The following TBCD variants were observed in gnomAD, a reference collection of about 807,000 sequenced individuals.
TBCD encodes the protein tubulin folding cofactor D.
TBCD carries 105 observed loss-of-function variants against 169.3 expected under a neutral mutation model. That is an observed-to-expected ratio of 0.62 (90% CI 0.53 to 0.73). The LOEUF (loss-of-function observed/expected upper bound fraction) is 0.73, where lower values mean the gene tolerates loss of function less well. Ranked by LOEUF, TBCD falls within the 30% of genes least tolerant of loss-of-function variation. The pLI is 0.00. For synonymous variants in TBCD, 700 were observed against 643.9 expected, an observed-to-expected ratio of 1.09 and a Z score of -1.32; for missense variants, 1,444 against 1,600.1, an observed-to-expected ratio of 0.90 and a Z score of 1.66.
rs558022009 is a variant in TBCD at position 82,833,634 on chromosome 17, G to A, written c.1318+18700G>A. Among the ~76,000 whole-genome samples, 16 of 152,298 alleles carry A rather than the reference G, an allele frequency of 1.1e-4. No homozygotes were observed. Among genetic ancestry groups the A allele is most frequent in the South Asian group, 2.1e-4 (1 of 4,824 alleles). Reference sequence around the variant, plus strand: ...GAGGCATGGCCAGCAGCGCCTGCCCGTCCAGATGCACCACCAAATGGAAGA... The same window carrying A: ...GAGGCATGGCCAGCAGCGCCTGCCCATCCAGATGCACCACCAAATGGAAGA... On this transcript the variant is annotated intron_variant, in intron 13 of 38. Transcript: ENST00000355528. This position sits in a 1 kb window ranked among gnomAD's most constrained non-coding sequence, Gnocchi z 4.7.
intron 25 of TBCD, 76 bp downstream of exon 25, chr17:82,921,653 G>A: frequency 7.2e-7 from 1 of 1,386,982 alleles, no homozygotes; most frequent in Non-Finnish European, 1.0e-6. Flanking sequence ...GTTTGTGTTG[G>A]CGACTGTGCA....
At chr17:82,937,424 C>T in intron 35 of TBCD, 64 bp downstream of exon 35, 4 of 1,435,422 alleles carry the variant, frequency 2.8e-6, no homozygotes, top group Non-Finnish European at 3.9e-6. Flanking sequence ...TGGCTGAGGG[C>T]AGGAGTCCAC....
At chr17:82,935,796 C>T (rs1419429255) in intron 34 of TBCD, among the ~76,000 whole-genome samples, 1 of 152,128 alleles carries the variant, frequency 6.6e-6, no homozygotes, top group Non-Finnish European at 1.5e-5. Context: ...TTGAATTTTC[C>T]ACGTTTTTAC....
At chr17:82,927,394 G>A (rs1009654424) in intron 29 of TBCD, 71 bp downstream of exon 29, 48 of 1,532,304 alleles carry the variant, frequency 3.1e-5, no homozygotes, top group Admixed American at 2.4e-4. Flanking sequence ...CGGAGGCCCC[G>A]GGCTTTTCTG....
chr17:82,830,061 C>A, intron 13 of TBCD: 1 of 1,580,706 alleles, frequency 6.3e-7, no homozygotes, highest in Non-Finnish European at 8.6e-7. Flanking sequence ...GTGAAAGTGC[C>A]AGTTCAGAGG....
intron 3 of TBCD, among the ~76,000 whole-genome samples, chr17:82,764,793 T>G (rs2047943590): frequency 6.9e-6 from 1 of 145,872 alleles, no homozygotes; most frequent in Non-Finnish European, 1.5e-5. Flanking sequence ...AGTCTGCTTT[T>G]CTTACAAGCT....
chr17:82,919,351 A>G (rs2061275761), intron 23 of TBCD, among the ~76,000 whole-genome samples: 1 of 152,194 alleles, frequency 6.6e-6, no homozygotes, highest in Non-Finnish European at 1.5e-5. Context: ...GGTAGAAACA[A>G]AAGGAGATAA....
At chr17:82,883,596 T>G (rs2058520266) in intron 14 of TBCD, among the ~76,000 whole-genome samples, 1 of 152,218 alleles carries the variant, frequency 6.6e-6, no homozygotes, top group South Asian at 2.1e-4. Context: ...CCAGACGCCT[T>G]GTCTTCAGGG....
At chr17:82,854,348 A>T (rs1387486011) in intron 13 of TBCD, among the ~76,000 whole-genome samples, 1 of 152,194 alleles carries the variant, frequency 6.6e-6, no homozygotes, top group Non-Finnish European at 1.5e-5. Context: ...TCCTTTCCAC[A>T]TAAGACCAGG....
chr17:82,916,664 ACTGTATTGG>A (rs1225536060), intron 23 of TBCD, among the ~76,000 whole-genome samples: 2 of 152,156 alleles, frequency 1.3e-5, no homozygotes, highest in Non-Finnish European at 2.9e-5. Flanking sequence ...TCTACTTATT[ACTGTATTGG>A]AGACAATCTT....
At chr17:82,902,146 T>G (rs11869416) in intron 18 of TBCD, among the ~76,000 whole-genome samples, 1 of 152,138 alleles carries the variant, frequency 6.6e-6, no homozygotes, top group Non-Finnish European at 1.5e-5. Flanking sequence ...CTCTTCCTAA[T>G]GTATTGACCC....
At chr17:82,894,553 G>A (rs2059355477) in intron 17 of TBCD, among the ~76,000 whole-genome samples, 1 of 152,094 alleles carries the variant, frequency 6.6e-6, no homozygotes, top group Non-Finnish European at 1.5e-5. Context: ...TGAAAATGTA[G>A]CATTTGGCCT....
At chr17:82,828,087 G>GTGCACACCCACACAATCT (rs2053061029) in intron 13 of TBCD, among the ~76,000 whole-genome samples, 1 of 140,038 alleles carries the variant, frequency 7.1e-6, no homozygotes. Flanking sequence ...CCACACAATC[G>GTGCACACCCACACAATCT]AATGCACACC....
At chr17:82,760,482 G>A (rs1049122483) in intron 2 of TBCD, among the ~76,000 whole-genome samples, 3 of 151,968 alleles carry the variant, frequency 2.0e-5, no homozygotes, top group Non-Finnish European at 2.9e-5. Context: ...TTCTAGGTAT[G>A]TTTTGTCTTT....
rs1480288508 is a variant in TBCD at position 82,909,314 on chromosome 17, T to C, written c.2006+7T>C. 4 of 1,524,332 alleles carry C rather than the reference T, an allele frequency of 2.6e-6. No individual in the cohort carries two copies. The highest frequency in any genetic ancestry group is 3.6e-6 in the Non-Finnish European group (4 of 1,123,648). 94.4% of individuals were successfully genotyped at this position (1,524,332 alleles called of 1,614,324 possible). ...ATGATCGTCAGTTATACAGGTGAGC[T>C]TTACAAAACCAAAGTTCTTATATCT... On this transcript the variant is annotated splice_region_variant and intron_variant, in intron 22 of 38. Coordinates refer to ENST00000355528, the MANE Select transcript of TBCD (RefSeq NM_005993.5).
intron 12 of TBCD, among the ~76,000 whole-genome samples, chr17:82,811,784 G>A (rs758682818): frequency 2.3e-4 from 35 of 152,194 alleles, no homozygotes; most frequent in Non-Finnish European, 4.3e-4. Flanking sequence ...GGTGTGGGGC[G>A]GCCCACAGCC....
In TBCD at chr17:82,889,500, T is replaced by C. The variant is rs182458314; in HGVS notation, c.1534-168T>C. ...TGTGGTTTTAAAGAGCACCAGGACG[T>C]AAAAACAGAGTGACGCACCTTGAGG... On this transcript the variant is annotated intron_variant, in intron 15 of 38. Coordinates refer to ENST00000355528, the MANE Select transcript of TBCD (RefSeq NM_005993.5). This position sits in a 1 kb window ranked among gnomAD's most constrained non-coding sequence, Gnocchi z 5.3. Among the ~76,000 whole-genome samples the C allele has an allele frequency of 3.3e-5, 5 of 152,324 alleles. No individual in the cohort carries two copies. In the East Asian group the frequency reaches 9.6e-4, roughly 29 times the overall value.
At chr17:82,815,862 C>T (rs1190006963) in intron 13 of TBCD, among the ~76,000 whole-genome samples, 1 of 152,122 alleles carries the variant, frequency 6.6e-6, no homozygotes, top group South Asian at 2.1e-4. Flanking sequence ...TTTAATGTCT[C>T]TGCTTATTTT....
At chr17:82,938,739 A>G (rs1403601137) in intron 36 of TBCD, among the ~76,000 whole-genome samples, 2 of 145,070 alleles carry the variant, frequency 1.4e-5, no homozygotes, top group Non-Finnish European at 3.1e-5. Context: ...ACCACTCAAA[A>G]AGAGAGCAGG....
Sources: allele counts gnomAD v4.1 joint callset (sites outside exome capture counted in the v4.1 genomes callset), GRCh38; gene constraint gnomAD v4.1.1; non-coding constraint Gnocchi (gnomAD v3.1); transcripts MANE v1.5; gene names NCBI Gene and HGNC (gene_info 2026-07-23, HGNC 2026-07-21).